Variants in SASH1 observed in about 807,000 individuals in gnomAD.
SASH1 encodes SAM and SH3 domain-containing protein 1.
Under a neutral mutation model 125.2 loss-of-function variants are expected in SASH1, and 44 were observed. That is an observed-to-expected ratio of 0.35 (90% confidence interval 0.28 to 0.45). The LOEUF is 0.45. SASH1 is among the 20% of genes least tolerant of loss of function. The probability of loss-of-function intolerance (pLI) is 1.00; values close to 1 mark genes in which losing one functional copy is unlikely to be tolerated. For synonymous variants in SASH1, 639 were observed against 649.1 expected (o/e 0.98, Z 0.24); for missense variants, 1,426 against 1,614.5 (o/e 0.88, Z 2.00).
At chr6:148,388,283 C>T (rs1014468724) in intron 1 of SASH1, among the ~76,000 whole-genome samples, 4 of 151,662 alleles carry the variant, frequency 2.6e-5, no homozygotes, top group Admixed American at 6.6e-5. Context: ...CTGAGGGCCA[C>T]GGTGCATGTC....
rs1004692976 is a variant in SASH1 at position 148,525,247 on chromosome 6, T to C, written c.1210-44T>C. The C allele has an allele frequency of 2.0e-6, 3 of 1,529,990 alleles. No homozygotes were observed. The African/African-American group carries it at 4.1e-5, about 21-fold the overall frequency. The allele number at this position is 1,529,990 out of a possible 1,614,324, so 94.8% of individuals were successfully genotyped here. On this transcript the variant is annotated intron_variant, in intron 10 of 19. Coordinates refer to ENST00000367467, the MANE Select transcript of SASH1 (RefSeq NM_015278.5). ...CTGGGTTGGTGCACTGCCGGCTGGC[T>C]TAAGCATAACTGAAGTTTTTCTGCC... is the stretch of plus-strand genomic sequence containing the variant.
chr6:148,319,671 C>T (rs1040490023), intron 1 of SASH1, among the ~76,000 whole-genome samples: 1 of 152,100 alleles, frequency 6.6e-6, no homozygotes, highest in Non-Finnish European at 1.5e-5. Context: ...TGCGCCACCA[C>T]GCCCAACTAA....
chr6:148,426,565 A>G (rs1030943575), intron 2 of SASH1, among the ~76,000 whole-genome samples: 6 of 152,142 alleles, frequency 3.9e-5, no homozygotes, highest in Non-Finnish European at 7.3e-5. Context: ...GCCCGAACAG[A>G]AGGAGTGTTG....
At chr6:148,429,315 G>C (rs1178530805) in intron 2 of SASH1, among the ~76,000 whole-genome samples, 1 of 148,554 alleles carries the variant, frequency 6.7e-6, no homozygotes, top group Non-Finnish European at 1.5e-5. Flanking sequence ...GAGCCTGGGA[G>C]GTCAAGGCTG....
intron 1 of SASH1, among the ~76,000 whole-genome samples, chr6:148,381,664 T>C (rs1021658387): frequency 7.0e-6 from 1 of 142,762 alleles, no homozygotes; most frequent in African/African-American, 2.6e-5. Context: ...CTTGCTTTGC[T>C]GCCCAGGCTG....
intron 1 of SASH1, among the ~76,000 whole-genome samples, chr6:148,326,995 C>T (rs1170852175): frequency 6.6e-6 from 1 of 152,156 alleles, no homozygotes; most frequent in Non-Finnish European, 1.5e-5. Flanking sequence ...TTTTACTTCC[C>T]CTACTGGCTG....
chr6:148,349,559 C>T (rs912337635), intron 1 of SASH1, among the ~76,000 whole-genome samples: 4 of 152,062 alleles, frequency 2.6e-5, no homozygotes, highest in African/African-American at 7.2e-5. Context: ...CCACGACGCC[C>T]GCCCGGCCAG....
At chr6:148,454,425 C>T (rs1015872227) in intron 4 of SASH1, among the ~76,000 whole-genome samples, 5 of 152,212 alleles carry the variant, frequency 3.3e-5, no homozygotes, top group East Asian at 1.9e-4. Flanking sequence ...GAAGAGAATT[C>T]GGAGAAATGT....
chr6:148,520,112 G>C, intron 10 of SASH1: 1 of 552,014 alleles, frequency 1.8e-6, no homozygotes, highest in Non-Finnish European at 3.2e-6. Flanking sequence ...AAGGCAAAGG[G>C]GGCGGGAGCT....
the SASH1 span, among the ~76,000 whole-genome samples, chr6:148,203,881 G>A: frequency 6.6e-6 from 1 of 152,170 alleles, no homozygotes; most frequent in Non-Finnish European, 1.5e-5. Flanking sequence ...ATTCCATCCA[G>A]TAGAGAAACT....
At position 148,551,870 on chromosome 6, in the gene SASH1, G is replaced by T. The variant is rs1309855783; in HGVS notation, c.*3312G>T. ...AATATACCAGTACCAATATGTTCTT[G>T]CAATTGCTTCAGCCCAAGAAAGCTG... On this transcript the variant is annotated 3_prime_UTR_variant, in exon 20 of 20. Coordinates refer to ENST00000367467, the MANE Select transcript of SASH1 (RefSeq NM_015278.5). The T allele has an allele frequency of 6.6e-6, 1 of 152,552 alleles. No individual in the cohort carries two copies. Among genetic ancestry groups the T allele is most frequent in the African/African-American group, 2.4e-5 (1 of 41,416 alleles). The allele number at this position is 152,552 out of a possible 1,614,324, so 9.4% of individuals were successfully genotyped here.
At chr6:148,230,789 G>C in the SASH1 span, among the ~76,000 whole-genome samples, 14 of 152,206 alleles carry the variant, frequency 9.2e-5, no homozygotes, top group African/African-American at 3.4e-4. Flanking sequence ...TGAAAAAAAT[G>C]TCTATTTGGA....
intron 1 of SASH1, among the ~76,000 whole-genome samples, chr6:148,348,636 A>C (rs936213274): frequency 6.6e-6 from 1 of 151,850 alleles, no homozygotes; most frequent in Non-Finnish European, 1.5e-5. Flanking sequence ...TTCAGATGTA[A>C]ACGTCTGTGT....
chr6:148,315,933 A>T (rs906118213), intron 1 of SASH1, among the ~76,000 whole-genome samples: 1 of 152,048 alleles, frequency 6.6e-6, no homozygotes, highest in Admixed American at 6.6e-5. Flanking sequence ...CGAAACTAAG[A>T]CCAGCCTGCC....
the SASH1 span, among the ~76,000 whole-genome samples, chr6:148,216,416 TATG>T: frequency 6.6e-6 from 1 of 152,192 alleles, no homozygotes; most frequent in South Asian, 2.1e-4. Context: ...AACTTTTTAT[TATG>T]ATAAGACTGG....
chr6:148,238,415 A>G, the SASH1 span, among the ~76,000 whole-genome samples: 876 of 151,950 alleles, frequency 5.8e-3, 7 homozygotes, highest in African/African-American at 0.02. Context: ...GTAGAGACAG[A>G]GTTTCATCAT....
the SASH1 span, among the ~76,000 whole-genome samples, chr6:148,240,651 A>G: frequency 6.6e-6 from 1 of 152,110 alleles, no homozygotes; most frequent in South Asian, 2.1e-4. Context: ...CTCATACCAC[A>G]TGCATTTCTC....
chr6:148,421,087 A>AAAAAGAAAAG (rs1186104166), intron 2 of SASH1, among the ~76,000 whole-genome samples: 4 of 150,180 alleles, frequency 2.7e-5, no homozygotes. Flanking sequence ...CTGTCTCCAA[A>AAAAAGAAAAG]AAAAGAAAAG....
At chr6:148,443,951 T>C (rs536490308) in intron 4 of SASH1, among the ~76,000 whole-genome samples, 4 of 152,342 alleles carry the variant, frequency 2.6e-5, no homozygotes, top group African/African-American at 9.6e-5. Context: ...CAAAAGTCTC[T>C]GCCAACCAAA....
Sources: allele counts gnomAD v4.1 joint callset (sites outside exome capture counted in the v4.1 genomes callset), GRCh38; gene constraint gnomAD v4.1.1; transcripts MANE v1.5; gene names NCBI Gene and HGNC (gene_info 2026-07-23, HGNC 2026-07-21).